TAFA3: variants seen among roughly 807,000 people sequenced by gnomAD.
The protein encoded by TAFA3 is TAFA chemokine like family member 3.
Under a neutral mutation model 20.7 loss-of-function variants are expected in TAFA3, and 17 were observed. The observed-to-expected ratio is 0.82, with a 90% CI of 0.56 to 1.23. The LOEUF (loss-of-function observed/expected upper bound fraction) is 1.23. Ranked by LOEUF, TAFA3 falls within the 50% of genes most tolerant of loss-of-function variation. The probability of loss-of-function intolerance (pLI) is 0.00; values close to 1 mark genes in which losing one functional copy is unlikely to be tolerated. For synonymous variants in TAFA3, 74 were observed against 71.8 expected, an observed-to-expected ratio of 1.03 and a Z score of -0.16; for missense variants, 174 against 172.8, an observed-to-expected ratio of 1.01 and a Z score of -0.04.
At chr1:112,722,988 G>A (rs1292648459) in intron 3 of TAFA3, 28 bp from the exon 4 acceptor site, 3 of 1,589,468 alleles carry the variant, frequency 1.9e-6, no homozygotes, top group East Asian at 2.3e-5. Flanking sequence ...GGCGTGTTGG[G>A]CGTCTGATCC....
chr1:112,723,892 G>C, intron 4 of TAFA3, 121 bp from the exon 5 acceptor site: 1 of 1,599,978 alleles, frequency 6.3e-7, no homozygotes, highest in Non-Finnish European at 8.5e-7. Context: ...AAAGACAAGG[G>C]AAATGCATGG....
rs988863790 is a variant in TAFA3 at position 112,727,025 on chromosome 1, A to G, written c.*385A>G. The stretch of plus-strand genomic sequence containing the variant: ...GGGAATGAGATTCCCACAGTTCTTC[A>G]GATACCCTGTGGCCACAGGGCATAG... On this transcript the variant is annotated 3_prime_UTR_variant, in exon 6 of 6. Coordinates refer to ENST00000361886, the MANE Select transcript of TAFA3 (RefSeq NM_182759.3). 2.5e-5 allele frequency: 6 copies of G among 244,324 alleles called. No individual in the cohort carries two copies. The highest frequency in any genetic ancestry group is 2.1e-4 in the East Asian group (2 of 9,350). 15.1% of individuals were successfully genotyped at this position (244,324 alleles called of 1,614,324 possible).
chr1:112,725,742 C>G (rs58548189), intron 5 of TAFA3, among the ~76,000 whole-genome samples: 54,074 of 152,116 alleles, frequency 0.36, 9,947 homozygotes, highest in South Asian at 0.44. Context: ...GCTCTGCCGT[C>G]ACCATTGGTA....
intron 5 of TAFA3, among the ~76,000 whole-genome samples, chr1:112,724,879 A>G (rs1675432356): frequency 6.8e-6 from 1 of 147,252 alleles, no homozygotes; most frequent in South Asian, 2.2e-4. Flanking sequence ...CAGCCATCCT[A>G]TTACTGGTAT....
chr1:112,722,083 G>C, intron 2 of TAFA3, 150 bp from the exon 3 acceptor site: 2 of 726,372 alleles, frequency 2.8e-6, no homozygotes, highest in Non-Finnish European at 4.7e-6. Flanking sequence ...CTGCCTGCAT[G>C]ACTCTGTGCC....
Position 112,723,676 on chromosome 1 carries a change from C to T in TAFA3, c.266-337C>T, listed in dbSNP as rs370329208. Reference sequence around the variant, plus strand: ...CTCCTGGTCTGTAGACCCCTCCAGACGACTCACACCCTTGCTCACACACCA... The same window carrying T: ...CTCCTGGTCTGTAGACCCCTCCAGATGACTCACACCCTTGCTCACACACCA... On this transcript the variant is annotated intron_variant, in intron 4 of 5. Coordinates refer to ENST00000361886, the MANE Select transcript of TAFA3 (RefSeq NM_182759.3). Among the ~76,000 whole-genome samples the T allele has an allele frequency of 2.2e-4, 34 of 152,256 alleles. No homozygotes were observed. The South Asian group carries it at 6.4e-3, about 29-fold the overall frequency.
At chr1:112,722,900 A>G in intron 3 of TAFA3, 116 bp from the exon 4 acceptor site, 1 of 1,286,320 alleles carries the variant, frequency 7.8e-7, no homozygotes, top group South Asian at 1.6e-5. Context: ...TGCCACTGGC[A>G]GTCTCTTCCA....
intron 5 of TAFA3, among the ~76,000 whole-genome samples, chr1:112,724,816 C>CAAAAAAAAAAAA: frequency 4.4e-5 from 1 of 22,652 alleles, no homozygotes; most frequent in African/African-American, 2.1e-4. Context: ...ATTAGAGCAG[C>CAAAAAAAAAAAA]AAAAAAAAAA....
intron 2 of TAFA3, among the ~76,000 whole-genome samples, chr1:112,721,931 A>G (rs1470881672): frequency 1.3e-5 from 2 of 152,200 alleles, no homozygotes; most frequent in African/African-American, 2.4e-5. Flanking sequence ...GCTGGAACCA[A>G]GCACTCAAAG....
chr1:112,722,090 T>A, intron 2 of TAFA3, 143 bp from the exon 3 acceptor site: 1 of 772,292 alleles, frequency 1.3e-6, no homozygotes, highest in Non-Finnish European at 2.2e-6. Flanking sequence ...CATGACTCTG[T>A]GCCAGGTCGA....
rs138511856 is a variant in TAFA3 at position 112,726,929 on chromosome 1, A to G, written c.*289A>G. On this transcript the variant is annotated 3_prime_UTR_variant, in exon 6 of 6. Coordinates refer to ENST00000361886, the MANE Select transcript of TAFA3 (RefSeq NM_182759.3). ...GGAGAGTTGATGACAGACAATTTAG[A>G]TAATTTAGGTTAAAGTACTTGATAC... The G allele has an allele frequency of 9.1e-4, 442 of 483,084 alleles. No homozygotes were observed. Among genetic ancestry groups the G allele is most frequent in the African/African-American group, 8.0e-3 (405 of 50,816 alleles). The allele number at this position is 483,084 out of a possible 1,614,324, so 29.9% of individuals were successfully genotyped here.
intron 2 of TAFA3, among the ~76,000 whole-genome samples, chr1:112,721,777 G>A (rs1212687562): frequency 6.6e-6 from 1 of 152,160 alleles, no homozygotes; most frequent in African/African-American, 2.4e-5. Flanking sequence ...GACTCTTTAC[G>A]ATGTATTCAG....
intron 2 of TAFA3, 81 bp from the exon 3 acceptor site, chr1:112,722,152 G>A (rs1675342409): frequency 5.6e-6 from 8 of 1,419,668 alleles, no homozygotes; most frequent in Non-Finnish European, 7.9e-6. Flanking sequence ...GCCTCCCAGA[G>A]TGTGTGGCAC....
chr1:112,722,667 GCTAAAGCCTGT>G (rs1675357726), intron 3 of TAFA3, among the ~76,000 whole-genome samples: 1 of 152,136 alleles, frequency 6.6e-6, no homozygotes, highest in Non-Finnish European at 1.5e-5. Context: ...TTCTGGGATG[GCTAAAGCCTGT>G]GTAAGCGGAT....
At chr1:112,723,813 A>G in intron 4 of TAFA3, 200 bp from the exon 5 acceptor site, 5 of 977,082 alleles carry the variant, frequency 5.1e-6, no homozygotes, top group Non-Finnish European at 7.6e-6. Context: ...CGGTGGGATT[A>G]AAGTTGAGAG....
At chr1:112,725,962 A>C (rs1273570399) in intron 5 of TAFA3, among the ~76,000 whole-genome samples, 1 of 151,988 alleles carries the variant, frequency 6.6e-6, no homozygotes, top group East Asian at 1.9e-4. Context: ...CATGGTGAAA[A>C]CCCGTCTCTA....
chr1:112,723,879 G>A (rs1206496958), intron 4 of TAFA3, 134 bp from the exon 5 acceptor site: 4 of 1,581,686 alleles, frequency 2.5e-6, no homozygotes, highest in African/African-American at 1.3e-5. Flanking sequence ...CCTGGAGTAG[G>A]GGAAAGACAA....
At chr1:112,723,438 C>A (rs1675380769) in intron 4 of TAFA3, among the ~76,000 whole-genome samples, 4 of 152,134 alleles carry the variant, frequency 2.6e-5, no homozygotes, top group Admixed American at 1.3e-4. Context: ...CAGCCCCACT[C>A]CTCTCCCCAC....
At chr1:112,721,716 A>G (rs1473146489) in intron 2 of TAFA3, among the ~76,000 whole-genome samples, 1 of 152,214 alleles carries the variant, frequency 6.6e-6, no homozygotes, top group Non-Finnish European at 1.5e-5. Flanking sequence ...GACATAAAGC[A>G]ATTCCCCATT....
Sources: allele counts gnomAD v4.1 joint callset (sites outside exome capture counted in the v4.1 genomes callset), GRCh38; gene constraint gnomAD v4.1.1; transcripts MANE v1.5; gene names NCBI Gene and HGNC (gene_info 2026-07-23, HGNC 2026-07-21).